RELN: variants seen among roughly 807,000 people sequenced by gnomAD.
RELN encodes the protein reelin.
Under a neutral mutation model 427.6 loss-of-function variants are expected in RELN, and 108 were observed. The observed-to-expected ratio is 0.25, with a 90% CI of 0.22 to 0.30. RELN has a LOEUF of 0.30. Ranked by LOEUF, RELN falls within the 10% of genes least tolerant of loss-of-function variation. The probability of loss-of-function intolerance (pLI) is 1.00; values close to 1 mark genes in which losing one functional copy is unlikely to be tolerated. For synonymous variants in RELN, 1,524 were observed against 1,513.4 expected, an observed-to-expected ratio of 1.01 and a Z score of -0.16; for missense variants, 3,715 against 4,302.8, an observed-to-expected ratio of 0.86 and a Z score of 3.82.
At chr7:103,943,171 C>T (rs2116741471) in intron 1 of RELN, among the ~76,000 whole-genome samples, 1 of 152,258 alleles carries the variant, frequency 6.6e-6, no homozygotes, top group Non-Finnish European at 1.5e-5. Flanking sequence ...CTAGTTTTCT[C>T]TCTCAAAATA....
At chr7:103,811,501 A>T (rs554706506) in intron 3 of RELN, among the ~76,000 whole-genome samples, 2 of 152,176 alleles carry the variant, frequency 1.3e-5, no homozygotes, top group African/African-American at 4.8e-5. Context: ...TGTCGCTGTG[A>T]ATTCATTTAA....
intron 2 of RELN, among the ~76,000 whole-genome samples, chr7:103,915,697 A>G (rs1052180065): frequency 3.3e-5 from 5 of 152,164 alleles, no homozygotes; most frequent in African/African-American, 1.2e-4. Flanking sequence ...ACTAGGCTGG[A>G]TCCTAGAAGG....
chr7:103,536,846 C>T (rs1830062955), intron 45 of RELN, among the ~76,000 whole-genome samples: 1 of 152,154 alleles, frequency 6.6e-6, no homozygotes, highest in African/African-American at 2.4e-5. Flanking sequence ...TTTTACATCT[C>T]AAAATAGAGT....
At chr7:103,610,497 T>A (rs1831925111) in intron 22 of RELN, among the ~76,000 whole-genome samples, 198 bp downstream of exon 22, 2 of 152,182 alleles carry the variant, frequency 1.3e-5, no homozygotes, top group Non-Finnish European at 2.9e-5. Flanking sequence ...TATTTGTTAT[T>A]AGCTCTCTTT....
chr7:103,592,022 G>A (rs943318348), intron 27 of RELN, among the ~76,000 whole-genome samples: 11 of 151,968 alleles, frequency 7.2e-5, no homozygotes, highest in Non-Finnish European at 1.3e-4. Flanking sequence ...GAGAAAGGTC[G>A]TATTCACTGT....
intron 3 of RELN, among the ~76,000 whole-genome samples, chr7:103,809,686 C>T (rs1212104997): frequency 6.6e-6 from 1 of 152,178 alleles, no homozygotes; most frequent in Non-Finnish European, 1.5e-5. Context: ...ATGGTATTTA[C>T]ATAATCAGCA....
chr7:103,806,075 A>G (rs888686052), intron 3 of RELN, among the ~76,000 whole-genome samples: 54 of 152,244 alleles, frequency 3.5e-4, no homozygotes, highest in African/African-American at 1.3e-3. Flanking sequence ...TAAGGAAAAT[A>G]TAGTATGTAT....
chr7:103,935,734 A>G (rs1254325520), intron 1 of RELN, among the ~76,000 whole-genome samples: 1 of 152,200 alleles, frequency 6.6e-6, no homozygotes, highest in Non-Finnish European at 1.5e-5. Flanking sequence ...ATACATAATT[A>G]TGTAACATAC....
chr7:103,529,869 C>G (rs1829901597), intron 46 of RELN, among the ~76,000 whole-genome samples: 1 of 152,128 alleles, frequency 6.6e-6, no homozygotes, highest in African/African-American at 2.4e-5. Context: ...TTATTACTCT[C>G]TATAGTTTAT....
chr7:103,907,161 T>G (rs1349470556), intron 2 of RELN, among the ~76,000 whole-genome samples: 1 of 150,814 alleles, frequency 6.6e-6, no homozygotes, highest in African/African-American at 2.4e-5. Context: ...CTCATGCATG[T>G]AATCCCAACA....
intron 27 of RELN, among the ~76,000 whole-genome samples, chr7:103,593,142 G>C (rs362632): frequency 6.6e-6 from 1 of 151,858 alleles, no homozygotes; most frequent in Non-Finnish European, 1.5e-5. Context: ...TTTTGATTAG[G>C]GTTCTGAAAC....
At chr7:103,744,341 A>G (rs2116034539) in intron 6 of RELN, among the ~76,000 whole-genome samples, 1 of 152,076 alleles carries the variant, frequency 6.6e-6, no homozygotes, top group South Asian at 2.1e-4. Context: ...CCCTAACATC[A>G]CAATTAAAAG....
chr7:103,529,474 T>C (rs1167795730), intron 46 of RELN, among the ~76,000 whole-genome samples: 1 of 152,058 alleles, frequency 6.6e-6, no homozygotes, highest in East Asian at 1.9e-4. Flanking sequence ...TTGGGTTACC[T>C]GCCCTTCCAC....
chr7:103,583,094 T>C (rs1831191971), intron 28 of RELN, among the ~76,000 whole-genome samples: 1 of 152,168 alleles, frequency 6.6e-6, no homozygotes, highest in Admixed American at 6.5e-5. Context: ...GGGGGGAAAG[T>C]ATAATCCTCC....
intron 51 of RELN, among the ~76,000 whole-genome samples, chr7:103,507,178 G>A (rs2965085): frequency 0.085 from 12,878 of 152,048 alleles, 703 homozygotes; most frequent in East Asian, 0.17. Flanking sequence ...TGGACCAAGC[G>A]GACCTAATAG....
intron 8 of RELN, among the ~76,000 whole-genome samples, chr7:103,706,738 GC>G (rs1834210008): frequency 6.6e-6 from 1 of 151,816 alleles, no homozygotes; most frequent in Non-Finnish European, 1.5e-5. Context: ...ATGACTCAAG[GC>G]CATAATGGTC....
intron 2 of RELN, among the ~76,000 whole-genome samples, chr7:103,896,198 G>A (rs1406608537): frequency 3.9e-5 from 6 of 152,070 alleles, no homozygotes; most frequent in African/African-American, 1.4e-4. Context: ...AAGACGCAGA[G>A]CAATTGCAAC....
In RELN at chr7:103,472,739, G is replaced by T; in HGVS notation, c.*73C>A. ...TCACAGATATTTCCTGATATCAGAT[G>T]TAGTGCGAGATTTAAAAGAATGGAG... On this transcript the variant is annotated 3_prime_UTR_variant, in exon 65 of 65. Coordinates refer to ENST00000428762, the MANE Select transcript of RELN (RefSeq NM_005045.4). 1.7e-6 allele frequency: 2 copies of T among 1,159,076 alleles called. No individual in the cohort carries two copies. The highest frequency in any genetic ancestry group is 2.6e-6 in the Non-Finnish European group (2 of 770,612). The allele number at this position is 1,159,076 out of a possible 1,614,324, so 71.8% of individuals were successfully genotyped here.
chr7:103,473,046 G>A (rs1827910431), intron 64 of RELN, 138 bp from the exon 65 acceptor site: 1 of 788,536 alleles, frequency 1.3e-6, no homozygotes, highest in East Asian at 2.5e-5. Flanking sequence ...AATAGGTCAT[G>A]CTCACATTAC....
Sources: gnomAD v4.1 joint callset for allele counts (sites outside exome capture counted in the v4.1 genomes callset) on GRCh38, gnomAD v4.1.1 for gene constraint, MANE v1.5 for transcripts, NCBI Gene and HGNC (gene_info 2026-07-23, HGNC 2026-07-21) for gene names.